Variants in LRP5 observed in about 807,000 individuals in gnomAD.
The protein encoded by LRP5 is LDL receptor related protein 5, also known as low-density lipoprotein receptor-related protein 5.
Under a neutral mutation model 154.1 loss-of-function variants are expected in LRP5, and 62 were observed. The ratio of observed to expected loss-of-function variants is 0.40; its 90% confidence interval spans 0.33 to 0.50. The LOEUF is 0.50. LRP5 is among the 20% of genes least tolerant of loss of function. The pLI is 0.55. For missense variants in LRP5, 1,915 were observed against 2,336.7 expected, an observed-to-expected ratio of 0.82 and a Z score of 3.72; for synonymous variants, 966 against 1,011.5, an observed-to-expected ratio of 0.96 and a Z score of 0.85.
At chr11:68,421,949 A>G (rs921695303) in intron 13 of LRP5, among the ~76,000 whole-genome samples, 2 of 151,800 alleles carry the variant, frequency 1.3e-5, no homozygotes, top group African/African-American at 4.8e-5. Context: ...TTTTTTTGAG[A>G]CAGGGTCTCA....
At chr11:68,417,089 C>T (rs1283556091) in intron 13 of LRP5, among the ~76,000 whole-genome samples, 1 of 152,200 alleles carries the variant, frequency 6.6e-6, no homozygotes, top group African/African-American at 2.4e-5. Context: ...ACTGTGCATT[C>T]GTAAACGTTA....
intron 5 of LRP5, among the ~76,000 whole-genome samples, chr11:68,371,740 C>A (rs2098634118): frequency 6.6e-6 from 1 of 152,378 alleles, no homozygotes; most frequent in Middle Eastern, 3.4e-3. Flanking sequence ...ACGTGAAATT[C>A]TGTCGCTTGT....
chr11:68,403,833 C>G, intron 8 of LRP5, 134 bp downstream of exon 8: 1 of 1,029,880 alleles, frequency 9.7e-7, no homozygotes, highest in Non-Finnish European at 1.4e-6. Flanking sequence ...GGAAAGGTGA[C>G]AGTATCTGGC....
intron 7 of LRP5, among the ~76,000 whole-genome samples, chr11:68,399,493 T>A (rs1017274437): frequency 6.6e-6 from 1 of 152,238 alleles, no homozygotes; most frequent in East Asian, 1.9e-4. Flanking sequence ...ATATTTTCTA[T>A]CCTTTACAAA....
chr11:68,347,739 G>T, intron 1 of LRP5, 108 bp from the exon 2 acceptor site: 6 of 1,351,202 alleles, frequency 4.4e-6, no homozygotes, highest in Non-Finnish European at 5.2e-6. Context: ...GAGGTCTTGG[G>T]CATGGGCAGG....
At chr11:68,334,903 C>T (rs1448414190) in intron 1 of LRP5, among the ~76,000 whole-genome samples, 1 of 151,886 alleles carries the variant, frequency 6.6e-6, no homozygotes, top group Non-Finnish European at 1.5e-5. Context: ...TGTGAGTATA[C>T]ATACACACGT....
At chr11:68,321,590 A>G (rs1485309511) in intron 1 of LRP5, among the ~76,000 whole-genome samples, 1 of 152,086 alleles carries the variant, frequency 6.6e-6, no homozygotes, top group Admixed American at 6.6e-5. Context: ...CATTTGTGGA[A>G]GGCTCTGGAG....
intron 1 of LRP5, among the ~76,000 whole-genome samples, chr11:68,324,423 G>C (rs746589707): frequency 6.6e-5 from 10 of 152,192 alleles, no homozygotes; most frequent in Non-Finnish European, 1.5e-4. Context: ...GGTGCCCGGC[G>C]TGTGCCCTGA....
rs73516825 is a variant in LRP5 at position 68,447,540 on chromosome 11, C to A, written c.4586+1007C>A. On this transcript the variant is annotated intron_variant, in intron 22 of 22. Coordinates refer to ENST00000294304, the MANE Select transcript of LRP5 (RefSeq NM_002335.4). This position sits in a 1 kb window ranked among gnomAD's most constrained non-coding sequence, Gnocchi z 4.3. ...ACAGTCTGTCCCACAGCCTTACAGA[C>A]CACTGTCTCCAGAATGGTCACATCC... Among the ~76,000 whole-genome samples, 12,736 of 152,242 alleles carry A rather than the reference C, an allele frequency of 0.084. 615 individuals carry two copies. The highest frequency in any genetic ancestry group is 0.16 in the Middle Eastern group (48 of 294).
At chr11:68,360,009 G>A in intron 3 of LRP5, among the ~76,000 whole-genome samples, 1 of 151,214 alleles carries the variant, frequency 6.6e-6, no homozygotes. Flanking sequence ...GGCTGGTCTT[G>A]AACTCCTGAT....
intron 1 of LRP5, among the ~76,000 whole-genome samples, chr11:68,316,175 A>T (rs182768978): frequency 6.6e-6 from 1 of 152,194 alleles, no homozygotes; most frequent in Admixed American, 6.5e-5. Context: ...GGCATTTTGC[A>T]TGAAGGGAAT....
chr11:68,338,412 G>A (rs2098606897), intron 1 of LRP5, among the ~76,000 whole-genome samples: 1 of 152,168 alleles, frequency 6.6e-6, no homozygotes, highest in Non-Finnish European at 1.5e-5. Context: ...TGCTTACATG[G>A]GTTAAAATGA....
intron 16 of LRP5, among the ~76,000 whole-genome samples, chr11:68,427,765 G>A (rs1239017827): frequency 4.6e-5 from 7 of 151,922 alleles, no homozygotes; most frequent in Non-Finnish European, 1.0e-4. Flanking sequence ...ACTGAGTAAG[G>A]ACACTGTGAA....
intron 2 of LRP5, among the ~76,000 whole-genome samples, chr11:68,350,933 CGT>C (rs546462189): frequency 6.6e-6 from 1 of 151,878 alleles, no homozygotes; most frequent in Non-Finnish European, 1.5e-5. Flanking sequence ...TGCGTGCATA[CGT>C]GTGAGCCTGT....
chr11:68,341,049 G>A (rs545241310), intron 1 of LRP5, among the ~76,000 whole-genome samples: 1 of 71,954 alleles, frequency 1.4e-5, no homozygotes, highest in African/African-American at 6.2e-5. Context: ...CCCTGCCGCT[G>A]GAGATTGTTC....
chr11:68,314,139 C>T (rs1315790121), intron 1 of LRP5, among the ~76,000 whole-genome samples: 1 of 152,152 alleles, frequency 6.6e-6, no homozygotes, highest in Non-Finnish European at 1.5e-5. Flanking sequence ...CTCCTTTTTC[C>T]GGAAATGCCT....
intron 1 of LRP5, among the ~76,000 whole-genome samples, chr11:68,322,500 C>T (rs2098597300): frequency 6.6e-6 from 1 of 152,108 alleles, no homozygotes; most frequent in Non-Finnish European, 1.5e-5. Flanking sequence ...TTTGGCCTGG[C>T]AGGCCGTGCC....
chr11:68,416,418 T>G lies in LRP5; in HGVS notation c.2918T>G (p.Leu973Arg). Residue 973 changes from leucine to arginine, a missense_variant, in exon 13 of 23, where the codon CTG becomes CGG. Around this residue, in one of 3 missense-constraint regions of LRP5, gnomAD observed 1,094 missense variants for 1,210.1 expected, o/e 0.90. Coordinates refer to ENST00000294304, the MANE Select transcript of LRP5 (RefSeq NM_002335.4). ...DQHSPDLILP[L>R]HGLRNVKAID... ...CACAGCCCGGATCTCATCCTGCCCC[T>G]GCATGGACTGAGGAACGTCAAAGCC... 6.2e-7 allele frequency: 1 copy of G among 1,614,180 alleles called. No homozygotes were observed. Among genetic ancestry groups the G allele is most frequent in the Non-Finnish European group, 8.5e-7 (1 of 1,180,040 alleles).
chr11:68,393,235 G>T (rs1431427716), intron 7 of LRP5, among the ~76,000 whole-genome samples: 6 of 152,252 alleles, frequency 3.9e-5, no homozygotes, highest in Admixed American at 3.9e-4. Context: ...GGTGGGCAGT[G>T]GTTTCCACCT....
Sources: gnomAD v4.1 joint callset for allele counts (sites outside exome capture counted in the v4.1 genomes callset) on GRCh38, gnomAD v4.1.1 for gene constraint, gnomAD v4.1.1 regional missense constraint, Gnocchi (gnomAD v3.1) non-coding constraint, MANE v1.5 for transcripts, NCBI Gene and HGNC (gene_info 2026-07-23, HGNC 2026-07-21) for gene names.